The following PCDH15 variants were observed in gnomAD, a reference collection of about 807,000 sequenced individuals.
PCDH15 encodes the protein protocadherin related 15.
PCDH15 carries 129 observed loss-of-function variants against 178.5 expected under a neutral mutation model. The observed-to-expected ratio is 0.72, with a 90% confidence interval of 0.63 to 0.84. PCDH15 has a LOEUF of 0.84. PCDH15 is among the 40% of genes least tolerant of loss of function. PCDH15 has a pLI of 0.00. For missense variants in PCDH15, 2,230 were observed against 2,099.9 expected, an observed-to-expected ratio of 1.06 and a Z score of -1.21; for synonymous variants, 800 against 732.0, an observed-to-expected ratio of 1.09 and a Z score of -1.50.
At chr10:55,491,058 G>T (rs1395873564) in intron 2 of PCDH15, among the ~76,000 whole-genome samples, 1 of 151,698 alleles carries the variant, frequency 6.6e-6, no homozygotes, top group Non-Finnish European at 1.5e-5. Context: ...ATGGAAAAAT[G>T]TTTGCTCAAA....
intron 25 of PCDH15, among the ~76,000 whole-genome samples, chr10:53,937,056 A>G (rs2085642485): frequency 6.6e-6 from 1 of 152,150 alleles, no homozygotes; most frequent in Non-Finnish European, 1.5e-5. Flanking sequence ...TTTAGCTTTT[A>G]GACTTCATGC....
intron 2 of PCDH15, among the ~76,000 whole-genome samples, chr10:55,590,968 T>C (rs1842832115): frequency 2.0e-5 from 3 of 152,064 alleles, no homozygotes; most frequent in African/African-American, 7.2e-5. Flanking sequence ...TTTGTACCTA[T>C]CATTAAAATT....
At chr10:53,875,896 A>G (rs1371306955) in intron 26 of PCDH15, among the ~76,000 whole-genome samples, 1 of 152,158 alleles carries the variant, frequency 6.6e-6, no homozygotes, top group Non-Finnish European at 1.5e-5. Flanking sequence ...AATACCATGG[A>G]TGCAGAAATA....
intron 21 of PCDH15, among the ~76,000 whole-genome samples, chr10:53,963,784 C>T (rs909893156): frequency 3.3e-5 from 5 of 152,082 alleles, no homozygotes; most frequent in African/African-American, 1.2e-4. Context: ...CACATCCTGC[C>T]AATACCTCAA....
chr10:55,384,751 A>T (rs527644324), intron 2 of PCDH15, among the ~76,000 whole-genome samples: 1 of 152,262 alleles, frequency 6.6e-6, no homozygotes, highest in African/African-American at 2.4e-5. Context: ...TATTTAGATA[A>T]TATGAATTCA....
At position 53,885,685 on chromosome 10, in the gene PCDH15, C is replaced by T. The variant is rs149658257; in HGVS notation, c.3501+17558G>A. Among the ~76,000 whole-genome samples the T allele has an allele frequency of 5.3e-5, 8 of 152,142 alleles. No individual in the cohort carries two copies. In the East Asian group the frequency reaches 1.4e-3, roughly 26 times the overall value. On this transcript the variant is annotated intron_variant, in intron 26 of 37. Transcript: ENST00000644397. The stretch of plus-strand genomic sequence containing the variant: ...ACTCATTTAAAACATATAAATATGC[C>T]TCACACATTTTAATCTGGTCAGTAT...
intron 10 of PCDH15, among the ~76,000 whole-genome samples, chr10:54,200,436 C>T (rs1033333362): frequency 6.6e-6 from 1 of 151,944 alleles, no homozygotes; most frequent in Admixed American, 6.6e-5. Context: ...CCCCCACCCT[C>T]GACAGGCCCC....
chr10:55,254,455 T>A (rs139311608), intron 1 of PCDH15, among the ~76,000 whole-genome samples: 2 of 152,270 alleles, frequency 1.3e-5, no homozygotes, highest in East Asian at 1.9e-4. Flanking sequence ...ACATTGGTAA[T>A]AAGAGCAAGA....
At chr10:54,123,143 T>A (rs904333855) in intron 15 of PCDH15, among the ~76,000 whole-genome samples, 1 of 152,094 alleles carries the variant, frequency 6.6e-6, no homozygotes, top group Admixed American at 6.6e-5. Flanking sequence ...TCGAAAGCAA[T>A]TGCAACAAAA....
At position 54,639,792 on chromosome 10, in the gene PCDH15, C is replaced by T. The variant is rs147224297; in HGVS notation, c.91+24380G>A. 9.9e-4 allele frequency among the ~76,000 whole-genome samples: 150 copies of T among 152,248 alleles called. 1 individual carries two copies. Among genetic ancestry groups the T allele is most frequent in the Non-Finnish European group, 1.5e-3 (102 of 68,010 alleles). ...TGATTCTGAGGTTTTCAAATAGATTCGTGTGTATCTGCAGCCACCCAACCA... is the reference window on the plus strand; with the variant it reads ...TGATTCTGAGGTTTTCAAATAGATTTGTGTGTATCTGCAGCCACCCAACCA... On this transcript the variant is annotated intron_variant, in intron 2 of 37. Coordinates refer to ENST00000644397, the MANE Select transcript of PCDH15 (RefSeq NM_001384140.1).
At chr10:54,256,476 T>C (rs2056905745) in intron 8 of PCDH15, among the ~76,000 whole-genome samples, 1 of 152,190 alleles carries the variant, frequency 6.6e-6, no homozygotes, top group South Asian at 2.1e-4. Context: ...CATCTGGTTC[T>C]GTAGGTTTAA....
intron 1 of PCDH15, among the ~76,000 whole-genome samples, chr10:55,253,795 G>C (rs1841913218): frequency 6.6e-6 from 1 of 152,204 alleles, no homozygotes; most frequent in Non-Finnish European, 1.5e-5. Context: ...TTCACTATTT[G>C]GTTCAGTAAG....
chr10:54,447,637 T>C (rs1011240564), intron 3 of PCDH15, among the ~76,000 whole-genome samples: 1 of 151,702 alleles, frequency 6.6e-6, no homozygotes, highest in African/African-American at 2.4e-5. Context: ...TGGACAATTA[T>C]GTTATTTGAG....
intron 2 of PCDH15, among the ~76,000 whole-genome samples, chr10:54,995,775 A>C (rs1418977319): frequency 6.6e-6 from 1 of 151,972 alleles, no homozygotes; most frequent in South Asian, 2.1e-4. Context: ...AGGTTACTGC[A>C]TCTGGACGAT....
At chr10:55,519,114 AAAAC>A (rs1193201359) in intron 2 of PCDH15, among the ~76,000 whole-genome samples, 2 of 149,574 alleles carry the variant, frequency 1.3e-5, no homozygotes, top group Non-Finnish European at 3.0e-5. Flanking sequence ...AAAAAAAAAA[AAAAC>A]AAACTCTTAG....
intron 13 of PCDH15, 48 bp from the exon 14 acceptor site, chr10:54,153,341 A>C (rs1318649838): frequency 1.0e-5 from 16 of 1,600,770 alleles, no homozygotes; most frequent in Non-Finnish European, 1.4e-5. Flanking sequence ...TCAACTTTTC[A>C]CCACCATGTC....
intron 2 of PCDH15, among the ~76,000 whole-genome samples, chr10:55,080,888 C>G (rs1435988026): frequency 6.6e-6 from 1 of 152,116 alleles, no homozygotes. Flanking sequence ...TCAGGCTTGC[C>G]CACCTCCACT....
intron 28 of PCDH15, among the ~76,000 whole-genome samples, chr10:53,842,519 T>C (rs2077724907): frequency 6.6e-6 from 1 of 152,132 alleles, no homozygotes; most frequent in African/African-American, 2.4e-5. Flanking sequence ...AGTGCTGGGA[T>C]TACAGGCATG....
At chr10:54,638,775 G>A (rs542725507) in intron 2 of PCDH15, among the ~76,000 whole-genome samples, 3 of 152,034 alleles carry the variant, frequency 2.0e-5, no homozygotes, top group Non-Finnish European at 4.4e-5. Context: ...GCAAAGATAT[G>A]GAATCAATCT....
Sources: allele counts gnomAD v4.1 joint callset (sites outside exome capture counted in the v4.1 genomes callset), GRCh38; gene constraint gnomAD v4.1.1; transcripts MANE v1.5; gene names NCBI Gene and HGNC (gene_info 2026-07-23, HGNC 2026-07-21).